The following PTPRD variants were observed in gnomAD, a reference collection of about 807,000 sequenced individuals.
PTPRD encodes the protein receptor-type tyrosine-protein phosphatase delta.
Under a neutral mutation model 214.5 loss-of-function variants are expected in PTPRD, and 34 were observed. The ratio of observed to expected loss-of-function variants is 0.16; its 90% CI spans 0.12 to 0.21. The LOEUF is 0.21. PTPRD is among the 10% of genes least tolerant of loss of function. The pLI, the probability that PTPRD is intolerant of heterozygous loss-of-function variation, is 1.00. For synonymous variants in PTPRD, 1,128 were observed against 845.7 expected, an observed-to-expected ratio of 1.33 and a Z score of -5.79; for missense variants, 2,545 against 2,398.7, an observed-to-expected ratio of 1.06 and a Z score of -1.27.
At chr9:10,420,223 T>A (rs1399526680) in intron 2 of PTPRD, among the ~76,000 whole-genome samples, 1 of 151,902 alleles carries the variant, frequency 6.6e-6, no homozygotes, top group Non-Finnish European at 1.5e-5. Context: ...ATAATAATAA[T>A]AATTTCTATC....
intron 7 of PTPRD, among the ~76,000 whole-genome samples, chr9:9,683,855 C>T (rs1052915115): frequency 1.1e-4 from 16 of 151,560 alleles, no homozygotes; most frequent in African/African-American, 3.9e-4. Flanking sequence ...TTTTTTAAGA[C>T]TTTAAGTTAG....
rs376506727 is a variant in PTPRD at position 10,111,331 on chromosome 9, T to C, written c.-544-77541A>G. On this transcript the variant is annotated intron_variant, in intron 3 of 45. Transcript: ENST00000381196. ...TCGGCTCACTGCAAGCTCCGCCTCCTGGGTTCATGCCATTCTCCTGCCTCA... is the reference window on the plus strand; with the variant it reads ...TCGGCTCACTGCAAGCTCCGCCTCCCGGGTTCATGCCATTCTCCTGCCTCA... Among the ~76,000 whole-genome samples the C allele has an allele frequency of 2.3e-3, 306 of 130,214 alleles. 10 individuals are homozygous for C. The highest frequency in any genetic ancestry group is 6.1e-3 in the African/African-American group (208 of 34,060). The allele number at this position is 130,214 out of a possible 152,430, so 85.4% of individuals were successfully genotyped here.
At chr9:8,484,497 G>T in intron 29 of PTPRD, 119 bp from the exon 30 acceptor site, 2 of 1,029,884 alleles carry the variant, frequency 1.9e-6, no homozygotes, top group Non-Finnish European at 2.7e-6. Context: ...AATTTTAGGT[G>T]ATTTCTAAGT....
chr9:10,524,313 G>A lies in PTPRD; in HGVS notation c.-600+88085C>T, dbSNP rs557670416. ...GTTCCGAGGCAGCGCAAAATGTGGA[G>A]GCAGTTCTAAATTTAAAGTCATTGT... On this transcript the variant is annotated intron_variant, in intron 2 of 45. Coordinates refer to ENST00000381196, the MANE Select transcript of PTPRD (RefSeq NM_002839.4). 2.0e-5 allele frequency among the ~76,000 whole-genome samples: 3 copies of A among 152,162 alleles called. No homozygotes were observed. In the East Asian group the frequency reaches 5.8e-4, roughly 29 times the overall value.
chr9:9,467,588 C>CAAA (rs1176159031), intron 8 of PTPRD, among the ~76,000 whole-genome samples: 1,429 of 55,920 alleles, frequency 0.026, 121 homozygotes, highest in African/African-American at 0.087. Context: ...CTCCATCTCC[C>CAAA]AAAAAAAAAA....
intron 2 of PTPRD, among the ~76,000 whole-genome samples, chr9:10,576,904 C>G (rs950141335): frequency 6.6e-6 from 1 of 152,046 alleles, no homozygotes; most frequent in Non-Finnish European, 1.5e-5. Context: ...AACACTCACC[C>G]TTATATTTAA....
intron 3 of PTPRD, among the ~76,000 whole-genome samples, chr9:10,112,708 T>G (rs956414233): frequency 1.4e-4 from 22 of 152,200 alleles, no homozygotes; most frequent in African/African-American, 5.3e-4. Flanking sequence ...ACAAAATGCA[T>G]ACAGGCTAGG....
At chr9:10,277,990 C>T (rs1030559137) in intron 3 of PTPRD, among the ~76,000 whole-genome samples, 6 of 151,928 alleles carry the variant, frequency 3.9e-5, no homozygotes, top group African/African-American at 1.5e-4. Flanking sequence ...AAAACCCTGT[C>T]TCTACTAAAA....
intron 11 of PTPRD, among the ~76,000 whole-genome samples, chr9:8,741,669 C>T (rs2091973407): frequency 7.8e-6 from 1 of 127,762 alleles, no homozygotes; most frequent in Admixed American, 7.3e-5. Context: ...CTGCAACCCC[C>T]AACCCCCACT....
At position 8,404,588 on chromosome 9, in the gene PTPRD, C is replaced by T. The variant is rs2092780914; in HGVS notation, c.4159G>A (p.Ala1387Thr). Residue 1387 changes from alanine to threonine, a missense_variant, in exon 36 of 46, where the codon GCG (alanine) becomes ACG (threonine). Physicochemically the swap from Ala to Thr is moderately conservative, Grantham distance 58. Transcript: ENST00000381196. The stretch of plus-strand genomic sequence containing the variant: ...GAATGATCATATGCGATTACATTCG[C>T]GTATCTATTCTTTGGTTTGTTTACT... ...LEVNKPKNRY[A>T]NVIAYDHSRV... is the part of the protein sequence containing the mutation. 6.2e-7 allele frequency: 1 copy of T among 1,613,550 alleles called. No homozygotes were observed. The highest frequency in any genetic ancestry group is 8.5e-7 in the Non-Finnish European group (1 of 1,179,590).
At chr9:9,310,920 G>GATAAATAAATAA (rs146963669) in intron 9 of PTPRD, among the ~76,000 whole-genome samples, 16 of 138,448 alleles carry the variant, frequency 1.2e-4, no homozygotes, top group East Asian at 4.2e-4. Flanking sequence ...CTGTGTCTCA[G>GATAAATAAATAA]ATAAATAAAT....
At chr9:9,587,116 A>G (rs1290685655) in intron 7 of PTPRD, among the ~76,000 whole-genome samples, 1 of 151,980 alleles carries the variant, frequency 6.6e-6, no homozygotes, top group Non-Finnish European at 1.5e-5. Flanking sequence ...GGAGACAAAA[A>G]AATTATTTTA....
At chr9:9,134,631 C>A (rs947662372) in intron 10 of PTPRD, among the ~76,000 whole-genome samples, 3 of 152,124 alleles carry the variant, frequency 2.0e-5, no homozygotes, top group Non-Finnish European at 4.4e-5. Context: ...CCCACAAGGC[C>A]CAGTGGAGAC....
chr9:8,867,670 C>G (rs1357347148), intron 11 of PTPRD, among the ~76,000 whole-genome samples: 1 of 152,220 alleles, frequency 6.6e-6, no homozygotes, highest in Non-Finnish European at 1.5e-5. Context: ...AGAGCAAATG[C>G]TGAAAGCAAT....
At position 9,166,878 on chromosome 9, in the gene PTPRD, T is replaced by C. The variant is rs574098341; in HGVS notation, c.-143+16426A>G. On this transcript the variant is annotated intron_variant, in intron 10 of 45. Coordinates refer to ENST00000381196, the MANE Select transcript of PTPRD (RefSeq NM_002839.4). The stretch of plus-strand genomic sequence containing the variant: ...AGAGGTTTAAGACTACCTATAGTTA[T>C]AAGAGTCATATAGCTGGACCAAAGC... 2.2e-4 allele frequency among the ~76,000 whole-genome samples: 34 copies of C among 152,296 alleles called. No homozygotes were observed. In the South Asian group the frequency reaches 7.0e-3, roughly 32 times the overall value.
intron 8 of PTPRD, among the ~76,000 whole-genome samples, chr9:9,418,778 C>T (rs7853243): frequency 0.86 from 130,484 of 151,818 alleles, 56,278 homozygotes; most frequent in African/African-American, 0.88. Context: ...TGAGATCAGG[C>T]CTAAAATTTG....
At chr9:10,062,633 A>G (rs1274793560) in intron 3 of PTPRD, among the ~76,000 whole-genome samples, 1 of 151,942 alleles carries the variant, frequency 6.6e-6, no homozygotes, top group African/African-American at 2.4e-5. Context: ...AAAGATAAAA[A>G]CTGGTCTTCT....
chr9:9,077,097 C>A (rs989809453), intron 10 of PTPRD, among the ~76,000 whole-genome samples: 44 of 150,178 alleles, frequency 2.9e-4, no homozygotes, highest in African/African-American at 9.3e-4. Flanking sequence ...ATTTGTATGT[C>A]TTCTTTTGAA....
intron 34 of PTPRD, chr9:8,437,118 C>G (rs1433014938): frequency 7.1e-6 from 7 of 983,316 alleles, no homozygotes; most frequent in Non-Finnish European, 1.0e-5. Flanking sequence ...AAAACAGACA[C>G]TGAGAAAGGC....
Sources: gnomAD v4.1 joint callset for allele counts (sites outside exome capture counted in the v4.1 genomes callset) on GRCh38, gnomAD v4.1.1 for gene constraint, MANE v1.5 for transcripts, NCBI Gene and HGNC (gene_info 2026-07-23, HGNC 2026-07-21) for gene names.